The following EMILIN2 variants were observed in gnomAD, a reference collection of about 807,000 sequenced individuals.
EMILIN2 encodes EMILIN-2.
EMILIN2 carries 71 observed loss-of-function variants against 87.1 expected under a neutral mutation model. The ratio of observed to expected loss-of-function variants is 0.82; its 90% CI spans 0.67 to 0.99. EMILIN2 has a LOEUF of 0.99. EMILIN2 is among the 50% of genes least tolerant of loss of function. The pLI is 0.00. For missense variants in EMILIN2, 1,407 were observed against 1,371.8 expected (o/e 1.03, Z -0.40); for synonymous variants, 581 against 563.4 (o/e 1.03, Z -0.44).
At chr18:2,902,406 A>T (rs1465130829) in intron 4 of EMILIN2, among the ~76,000 whole-genome samples, 2 of 152,186 alleles carry the variant, frequency 1.3e-5, no homozygotes, top group African/African-American at 4.8e-5. Flanking sequence ...CCAGAGGTTC[A>T]TGTTGTTTCC....
intron 2 of EMILIN2, among the ~76,000 whole-genome samples, chr18:2,868,278 GA>G (rs1178273786): frequency 6.6e-6 from 1 of 151,804 alleles, no homozygotes; most frequent in Non-Finnish European, 1.5e-5. Context: ...TCCTAGATGG[GA>G]TGGCGGCGGG....
chr18:2,858,569 A>ATGTGTGTGTGTG (rs1178571289), intron 2 of EMILIN2, among the ~76,000 whole-genome samples: 1 of 55,430 alleles, frequency 1.8e-5, no homozygotes, highest in African/African-American at 1.2e-4. Context: ...ATATATATAT[A>ATGTGTGTGTGTG]TGTGTGTGTG....
Position 2,847,175 on chromosome 18 carries a change from C to T in EMILIN2, c.-14C>T, listed in dbSNP as rs2143938914. 8.1e-6 allele frequency: 9 copies of T among 1,105,920 alleles called. No homozygotes were observed. Among genetic ancestry groups the T allele is most frequent in the Non-Finnish European group, 9.9e-6 (9 of 911,890 alleles). The allele number at this position is 1,105,920 out of a possible 1,614,324, so 68.5% of individuals were successfully genotyped here. A position where few individuals can be genotyped will look rare whatever the true frequency, so the allele number is the denominator to read the frequency against. ...CCGGACCCGGGCAGGCGGGGCGCGC[C>T]CGCTGCGCGCGGGATGTGGCAGCCC... On this transcript the variant is annotated 5_prime_UTR_variant, in exon 1 of 8. Transcript: ENST00000254528. This position sits in a 1 kb window ranked among gnomAD's most constrained non-coding sequence, Gnocchi z 4.5.
chr18:2,913,424 G>C lies in EMILIN2; in HGVS notation c.*20G>C, dbSNP rs1185743880. On this transcript the variant is annotated 3_prime_UTR_variant, in exon 8 of 8. Coordinates refer to ENST00000254528, the MANE Select transcript of EMILIN2 (RefSeq NM_032048.3). ...CTCTAAGGTGGCTGGGGAGATGTCA[G>C]GGGAAAGATAGATAGTTGTAAAAAC... The C allele has an allele frequency of 8.5e-6, 13 of 1,533,342 alleles. No homozygotes were observed. The highest frequency in any genetic ancestry group is 1.1e-5 in the Non-Finnish European group (13 of 1,135,776). The allele number at this position is 1,533,342 out of a possible 1,614,324, so 95.0% of individuals were successfully genotyped here.
Position 2,913,082 on chromosome 18 carries a change from C to G in EMILIN2, c.2840C>G (p.Pro947Arg). 1 of 1,610,426 alleles carries G rather than the reference C, an allele frequency of 6.2e-7. No individual in the cohort carries two copies. The highest frequency in any genetic ancestry group is 8.5e-7 in the Non-Finnish European group (1 of 1,179,984). The change falls in exon 8 of 8, where the codon CCT becomes CGT. Residue 947 changes from proline to arginine, a missense_variant. Pro to Arg is a moderately radical substitution (Grantham distance 103). Transcript: ENST00000254528. The stretch of plus-strand genomic sequence containing the variant: ...CTCCCCGCAGGGGTCTTCACGGCTC[C>G]TTATGATGGGCGCTACCTGATCACG... ...YNPSTGVFTAPYDGRYLITAT... is the reference protein window; with the variant it reads ...YNPSTGVFTARYDGRYLITAT...
chr18:2,862,337 T>G (rs2143971128), intron 2 of EMILIN2, among the ~76,000 whole-genome samples: 1 of 152,276 alleles, frequency 6.6e-6, no homozygotes, highest in Admixed American at 6.5e-5. Flanking sequence ...TGCTTCCAGT[T>G]TTTGCCCATT....
chr18:2,891,965 C>G lies in EMILIN2; in HGVS notation c.1838C>G (p.Ser613Cys). The G allele has an allele frequency of 1.2e-6, 2 of 1,614,178 alleles. No individual in the cohort carries two copies. The highest frequency in any genetic ancestry group is 1.6e-4 in the Middle Eastern group (1 of 6,062). ...KLQQDFSFLY[S>C]QLNHTENDVT... ...CAACAGGATTTTAGTTTTCTTTATT[C>G]TCAATTAAACCACACAGAAAATGAT... Residue 613 changes from serine to cysteine, a missense_variant, in exon 4 of 8, where the codon TCT becomes TGT. Transcript: ENST00000254528. This position sits in a 1 kb window ranked among gnomAD's most constrained non-coding sequence, Gnocchi z 4.6.
intron 2 of EMILIN2, among the ~76,000 whole-genome samples, chr18:2,870,630 G>A (rs1018160159): frequency 2.0e-5 from 3 of 152,254 alleles, no homozygotes; most frequent in African/African-American, 7.2e-5. Context: ...CCAGCCAGGA[G>A]GAATCCGAGA....
intron 2 of EMILIN2, among the ~76,000 whole-genome samples, chr18:2,868,520 G>T (rs1305047821): frequency 2.6e-5 from 4 of 152,274 alleles, no homozygotes; most frequent in Non-Finnish European, 4.4e-5. Context: ...AGCACTGAGT[G>T]AACGAGGCTC....
intron 2 of EMILIN2, among the ~76,000 whole-genome samples, chr18:2,879,434 G>A (rs563498409): frequency 3.3e-5 from 5 of 152,250 alleles, no homozygotes; most frequent in East Asian, 3.9e-4. Context: ...CAAGGCGGGC[G>A]GATCACCTGA....
intron 2 of EMILIN2, among the ~76,000 whole-genome samples, chr18:2,881,938 A>T (rs2076778729): frequency 1.3e-5 from 2 of 151,578 alleles, no homozygotes; most frequent in Admixed American, 6.6e-5. Flanking sequence ...GGGTTGGCCG[A>T]AGTGGGGGTT....
intron 2 of EMILIN2, among the ~76,000 whole-genome samples, chr18:2,881,812 C>G (rs1054709160): frequency 6.6e-6 from 1 of 152,236 alleles, no homozygotes; most frequent in Non-Finnish European, 1.5e-5. Flanking sequence ...CAATCCAGCG[C>G]AATGATGCTT....
intron 2 of EMILIN2, among the ~76,000 whole-genome samples, chr18:2,868,849 T>G (rs1238319764): frequency 6.6e-6 from 1 of 152,224 alleles, no homozygotes; most frequent in Non-Finnish European, 1.5e-5. Context: ...AGGATTTAGC[T>G]GTGAATCCAT....
chr18:2,856,554 CAT>C (rs2076628333), intron 2 of EMILIN2, among the ~76,000 whole-genome samples: 2 of 152,186 alleles, frequency 1.3e-5, no homozygotes, highest in African/African-American at 2.4e-5. Flanking sequence ...TTGTTACTAA[CAT>C]GTGCTGCGTG....
At chr18:2,898,235 C>T (rs1212985243) in intron 4 of EMILIN2, among the ~76,000 whole-genome samples, 1 of 152,244 alleles carries the variant, frequency 6.6e-6, no homozygotes, top group Non-Finnish European at 1.5e-5. Flanking sequence ...TGTGTCCTGG[C>T]CACAGGGTCT....
intron 2 of EMILIN2, among the ~76,000 whole-genome samples, chr18:2,865,524 G>T (rs919859790): frequency 3.3e-5 from 5 of 152,196 alleles, no homozygotes; most frequent in Admixed American, 6.5e-5. Context: ...GCAGAACAGC[G>T]GATATTGGTG....
At chr18:2,899,883 G>A (rs1166006463) in intron 4 of EMILIN2, among the ~76,000 whole-genome samples, 1 of 152,200 alleles carries the variant, frequency 6.6e-6, no homozygotes, top group African/African-American at 2.4e-5. Flanking sequence ...TCTCTGTCGG[G>A]GTTCTGTGAT....
intron 2 of EMILIN2, among the ~76,000 whole-genome samples, chr18:2,855,416 G>T (rs542655514): frequency 6.6e-6 from 1 of 152,178 alleles, no homozygotes; most frequent in African/African-American, 2.4e-5. Context: ...TTCTACCTTC[G>T]TCTTACACAA....
intron 2 of EMILIN2, among the ~76,000 whole-genome samples, chr18:2,860,937 G>T (rs1182544373): frequency 6.6e-6 from 1 of 152,182 alleles, no homozygotes; most frequent in South Asian, 2.1e-4. Flanking sequence ...GTTCTAACTG[G>T]TGTGAGATGG....
Sources: allele counts gnomAD v4.1 joint callset (sites outside exome capture counted in the v4.1 genomes callset), GRCh38; gene constraint gnomAD v4.1.1; non-coding constraint Gnocchi (gnomAD v3.1); transcripts MANE v1.5; gene names NCBI Gene and HGNC (gene_info 2026-07-23, HGNC 2026-07-21).